The following WASF3 variants were observed in gnomAD, a reference collection of about 807,000 sequenced individuals.
WASF3 encodes actin-binding protein WASF3.
In WASF3, 11 loss-of-function variants were observed where a neutral mutation model predicts 46.6. The observed-to-expected ratio is 0.24, with a 90% CI of 0.15 to 0.39. The LOEUF (loss-of-function observed/expected upper bound fraction) is 0.39, where lower values mean the gene tolerates loss of function less well. Among genes scored for constraint, WASF3 ranks in the 10% least tolerant of loss-of-function variants. WASF3 has a pLI of 1.00. For missense variants in WASF3, 576 were observed against 669.8 expected, an observed-to-expected ratio of 0.86 and a Z score of 1.55; for synonymous variants, 242 against 259.7, an observed-to-expected ratio of 0.93 and a Z score of 0.65.
chr13:26,634,352 C>T (rs1263325637), intron 2 of WASF3, among the ~76,000 whole-genome samples: 1 of 152,160 alleles, frequency 6.6e-6, no homozygotes, highest in Non-Finnish European at 1.5e-5. Context: ...GATCTTCCTC[C>T]ATCCCTTTAT....
Position 26,599,082 on chromosome 13 carries a change from G to A in WASF3, c.-108-13879G>A, listed in dbSNP as rs187146177. On this transcript the variant is annotated intron_variant, in intron 1 of 9. Transcript: ENST00000335327. ...GACAGGGCTTCGCCATGTTGGTCTC[G>A]AACTCCTGACCTCGGGTGATTCACC... Among the ~76,000 whole-genome samples, 12 of 151,900 alleles carry A rather than the reference G, an allele frequency of 7.9e-5. No individual in the cohort carries two copies. The East Asian group carries it at 9.7e-4, about 12-fold the overall frequency.
At chr13:26,675,771 A>G (rs1486225068) in intron 6 of WASF3, among the ~76,000 whole-genome samples, 2 of 151,990 alleles carry the variant, frequency 1.3e-5, no homozygotes, top group Non-Finnish European at 2.9e-5. Flanking sequence ...TTTAGCCAGC[A>G]TGTATTGAGT....
intron 2 of WASF3, among the ~76,000 whole-genome samples, chr13:26,620,354 G>A (rs1386777262): frequency 6.6e-6 from 1 of 151,950 alleles, no homozygotes; most frequent in Non-Finnish European, 1.5e-5. Flanking sequence ...TGAGTATCTA[G>A]TTAAATGAAC....
chr13:26,669,514 A>ATT (rs35329241), intron 5 of WASF3, among the ~76,000 whole-genome samples: 1 of 149,944 alleles, frequency 6.7e-6, no homozygotes, highest in African/African-American at 2.5e-5. Context: ...TGAAAAAAAA[A>ATT]TTTTTTTTTT....
intron 1 of WASF3, among the ~76,000 whole-genome samples, chr13:26,598,480 T>G (rs1205379847): frequency 6.6e-6 from 1 of 152,226 alleles, no homozygotes; most frequent in Non-Finnish European, 1.5e-5. Flanking sequence ...TTTTATTGTT[T>G]GCTGGACATT....
intron 1 of WASF3, among the ~76,000 whole-genome samples, chr13:26,572,877 T>TG (rs972616608): frequency 5.3e-5 from 8 of 152,106 alleles, no homozygotes. Flanking sequence ...AATGTGGTGT[T>TG]GGAGTCTGTT....
intron 1 of WASF3, among the ~76,000 whole-genome samples, chr13:26,593,550 T>C (rs1880366907): frequency 6.6e-6 from 1 of 152,230 alleles, no homozygotes. Context: ...ATTGATAATA[T>C]TCTTTTGTCA....
chr13:26,615,094 A>G (rs1184362713), intron 2 of WASF3, among the ~76,000 whole-genome samples: 1 of 151,420 alleles, frequency 6.6e-6, no homozygotes, highest in Non-Finnish European at 1.5e-5. Context: ...TTTTTTAAGT[A>G]CCGTTTTGGA....
At chr13:26,618,315 C>T (rs1881197752) in intron 2 of WASF3, among the ~76,000 whole-genome samples, 1 of 152,096 alleles carries the variant, frequency 6.6e-6, no homozygotes, top group African/African-American at 2.4e-5. Flanking sequence ...ATGCAGATAA[C>T]ACCTGAATAT....
upstream of WASF3, among the ~76,000 whole-genome samples, chr13:26,557,452 A>G (rs1879124850): frequency 6.6e-6 from 1 of 152,174 alleles, no homozygotes; most frequent in African/African-American, 2.4e-5. Context: ...GACGCTGCCT[A>G]AGCCTCATCC....
intron 1 of WASF3, among the ~76,000 whole-genome samples, chr13:26,584,837 GA>G (rs1182043085): frequency 6.6e-6 from 1 of 152,148 alleles, no homozygotes; most frequent in Non-Finnish European, 1.5e-5. Flanking sequence ...CCTATAGATT[GA>G]CCTTACAGAA....
chr13:26,547,219 G>T, the WASF3 span, among the ~76,000 whole-genome samples: 6 of 151,546 alleles, frequency 4.0e-5, no homozygotes, highest in African/African-American at 1.2e-4. Context: ...TTTGTTCTTT[G>T]TTTGAATTCC....
chr13:26,613,095 A>C (rs1159409772), intron 2 of WASF3, 37 bp downstream of exon 2: 1 of 151,914 alleles, frequency 6.6e-6, no homozygotes, highest in Non-Finnish European at 1.5e-5. Flanking sequence ...AAGCCATTTA[A>C]TTTCTGTAAC....
At chr13:26,680,093 G>A (rs1339842219) in intron 7 of WASF3, 1 of 1,598,104 alleles carries the variant, frequency 6.3e-7, no homozygotes. Flanking sequence ...AGAAAAGTCA[G>A]AACAAGAAAA....
At chr13:26,572,080 A>T (rs1458879312) in intron 1 of WASF3, among the ~76,000 whole-genome samples, 2 of 152,100 alleles carry the variant, frequency 1.3e-5, no homozygotes, top group African/African-American at 4.8e-5. Context: ...GTTTGAGTTA[A>T]TTTTGTCATT....
intron 1 of WASF3, among the ~76,000 whole-genome samples, chr13:26,571,654 A>G (rs1024015122): frequency 1.3e-5 from 2 of 152,166 alleles, no homozygotes; most frequent in African/African-American, 4.8e-5. Context: ...TAATATTTGG[A>G]AAGGGCATTT....
intron 3 of WASF3, among the ~76,000 whole-genome samples, chr13:26,645,434 G>A (rs552992128): frequency 3.9e-4 from 60 of 152,202 alleles, no homozygotes; most frequent in African/African-American, 1.2e-3. Context: ...AGCTCAAATT[G>A]CCTGTGACAC....
chr13:26,680,810 C>T (rs1883202385), intron 7 of WASF3, among the ~76,000 whole-genome samples: 1 of 152,158 alleles, frequency 6.6e-6, no homozygotes, highest in South Asian at 2.1e-4. Flanking sequence ...GCCGGTCTGT[C>T]TGACTTATTC....
Position 26,654,923 on chromosome 13 carries a change from T to TA in WASF3, c.134-10105_134-10104insA, listed in dbSNP as rs553395970. Among the ~76,000 whole-genome samples, 3 of 152,318 alleles carry TA rather than the reference T, an allele frequency of 2.0e-5. No homozygotes were observed. In the South Asian group the frequency reaches 6.2e-4, roughly 32 times the overall value. On this transcript the variant is annotated intron_variant, in intron 3 of 9. Coordinates refer to ENST00000335327, the MANE Select transcript of WASF3 (RefSeq NM_006646.6). Reference sequence around the variant, plus strand: ...ACTTTAAGCCCAATATTATGACTTGTTATTTTATGGAATTCAATAGGAACT... The same window carrying TA: ...ACTTTAAGCCCAATATTATGACTTGTATATTTTATGGAATTCAATAGGAACT...
Sources: gnomAD v4.1 joint callset for allele counts (sites outside exome capture counted in the v4.1 genomes callset) on GRCh38, gnomAD v4.1.1 for gene constraint, MANE v1.5 for transcripts, NCBI Gene and HGNC (gene_info 2026-07-23, HGNC 2026-07-21) for gene names.